Variants in SETD1B observed in about 807,000 individuals in gnomAD.
The protein encoded by SETD1B is histone-lysine N-methyltransferase SETD1B.
Under a neutral mutation model 148.0 loss-of-function variants are expected in SETD1B, and 7 were observed. The observed-to-expected ratio is 0.05, with a 90% CI of 0.03 to 0.09. The LOEUF (loss-of-function observed/expected upper bound fraction) is 0.09. SETD1B is among the 10% of genes least tolerant of loss of function. The pLI is 1.00. For missense variants in SETD1B, 2,155 were observed against 2,729.9 expected (o/e 0.79, Z 4.69); for synonymous variants, 1,361 against 1,186.5 (o/e 1.15, Z -3.02).
Position 121,822,667 on chromosome 12 carries a change from C to A in SETD1B, c.4088C>A (p.Thr1363Asn). The A allele has an allele frequency of 6.5e-7, 1 of 1,546,648 alleles. No homozygotes were observed. Among genetic ancestry groups the A allele is most frequent in the Non-Finnish European group, 8.7e-7 (1 of 1,143,308 alleles). The change falls in exon 12 of 17, where the codon ACT becomes AAT. Residue 1363 changes from threonine (T) to asparagine (N), a missense_variant. Physicochemically the swap from Thr to Asn is moderately conservative, Grantham distance 65 (BLOSUM62 0). Around this residue, in one of 11 missense-constraint regions of SETD1B, gnomAD observed 862 missense variants for 873.8 expected, o/e 0.99. Coordinates refer to ENST00000604567, the MANE Select transcript of SETD1B (RefSeq NM_001353345.2). ...CTTGCCGAGGACCACCCCCCGCATA[C>A]TCCAGGCCTCTGTGGCAGCCTGGCC... is the stretch of plus-strand genomic sequence containing the variant. ...EPLAEDHPPH[T>N]PGLCGSLAKS...
chr12:121,804,338 CGCCGCCAGGCCCT>C lies in SETD1B; in HGVS notation c.-15+114_-15+126del, dbSNP rs1566544921. 2 of 143,902 alleles carry C rather than the reference CGCCGCCAGGCCCT, an allele frequency of 1.4e-5. No individual in the cohort carries two copies. Among genetic ancestry groups the C allele is most frequent in the Non-Finnish European group, 3.1e-5 (2 of 64,902 alleles). The allele number at this position is 143,902 out of a possible 1,614,324, so 8.9% of individuals were successfully genotyped here. The stretch of plus-strand genomic sequence containing the variant: ...GGGCGAGCGGGCGGGCGGGCGGCGG[CGCCGCCAGGCCCT>C]GCCGCCAGCCTCGCGCCAGAGCCGG... On this transcript the variant is annotated intron_variant, in intron 1 of 16. Coordinates refer to ENST00000604567, the MANE Select transcript of SETD1B (RefSeq NM_001353345.2). This position sits in a 1 kb window ranked among gnomAD's most constrained non-coding sequence, Gnocchi z 4.6.
chr12:121,818,471 G>A lies in SETD1B; in HGVS notation c.3418+567G>A, dbSNP rs1394581309. On this transcript the variant is annotated intron_variant, in intron 10 of 16. Coordinates refer to ENST00000604567, the MANE Select transcript of SETD1B (RefSeq NM_001353345.2). ...CCAGCTACTTGGGAGGCTGAGGCAG[G>A]AGAATTGCTTGAATCCAGGAGGCAG... Among the ~76,000 whole-genome samples, 5 of 152,100 alleles carry A rather than the reference G, an allele frequency of 3.3e-5. No individual in the cohort carries two copies. The East Asian group carries it at 9.6e-4, about 29-fold the overall frequency.
chr12:121,808,522 T>C lies in SETD1B; in HGVS notation c.657+202T>C, dbSNP rs966815475. 6.6e-6 allele frequency among the ~76,000 whole-genome samples: 1 copy of C among 152,356 alleles called. No homozygotes were observed. The highest frequency in any genetic ancestry group is 2.4e-5 in the African/African-American group (1 of 41,580). ...GGGCCTAGAGCCCCATTTTCCCAAG[T>C]GCTCCTGCAGTAGGGCTCCATGGGA... On this transcript the variant is annotated intron_variant, in intron 5 of 16. Coordinates refer to ENST00000604567, the MANE Select transcript of SETD1B (RefSeq NM_001353345.2). The surrounding 1 kb of genome is among the most constrained non-coding windows in gnomAD (Gnocchi z 5.3).
chr12:121,823,353 C>G lies in SETD1B; in HGVS notation c.4774C>G (p.Pro1592Ala), dbSNP rs867559750. ...PPPPLPPQPP[P>A]PPPPPPVEPT... is the part of the protein sequence containing the mutation. ...ACCACCCCTTCCCCCCCAGCCACCCCCACCCCCACCTCCCCCACCTGTAGA... is the reference window on the plus strand; with the variant it reads ...ACCACCCCTTCCCCCCCAGCCACCCGCACCCCCACCTCCCCCACCTGTAGA... The change falls in exon 12 of 17, where the codon CCA (proline) becomes GCA (alanine). Residue 1592 changes from proline to alanine, a missense_variant. Physicochemically the swap from Pro to Ala is conservative, Grantham distance 27. Coordinates refer to ENST00000604567, the MANE Select transcript of SETD1B (RefSeq NM_001353345.2). 3 of 1,098,452 alleles carry G rather than the reference C, an allele frequency of 2.7e-6. No homozygotes were observed. The highest frequency in any genetic ancestry group is 2.1e-5 in the Admixed American group (1 of 47,450). The allele number at this position is 1,098,452 out of a possible 1,614,324, so 68.0% of individuals were successfully genotyped here. A position where few individuals can be genotyped will look rare whatever the true frequency, so the allele number is the denominator to read the frequency against.
At position 121,817,922 on chromosome 12, in the gene SETD1B, G is replaced by C. The variant is rs752518920; in HGVS notation, c.3418+18G>C. On this transcript the variant is annotated intron_variant, in intron 10 of 16. Transcript: ENST00000604567. The surrounding 1 kb of genome is among the most constrained non-coding windows in gnomAD (Gnocchi z 8.1). ...GGATGAAGGTGAGCAGGGAGGCCGT[G>C]GCTGCCTGGCCCTCCCGGAGTCCCT... The C allele has an allele frequency of 7.2e-6, 11 of 1,519,738 alleles. No individual in the cohort carries two copies. The Middle Eastern group carries it at 5.1e-4, about 71-fold the overall frequency. The allele number at this position is 1,519,738 out of a possible 1,614,324, so 94.1% of individuals were successfully genotyped here. A position where few individuals can be genotyped will look rare whatever the true frequency, so the allele number is the denominator to read the frequency against.
chr12:121,809,379 A>C (rs529940856), intron 5 of SETD1B, among the ~76,000 whole-genome samples: 1 of 152,272 alleles, frequency 6.6e-6, no homozygotes, highest in East Asian at 1.9e-4. Flanking sequence ...GGAATTAGGA[A>C]TGACCCTCAA....
At chr12:121,793,052 C>A in the SETD1B span, 14 of 1,058,892 alleles carry the variant, frequency 1.3e-5, no homozygotes, top group Non-Finnish European at 1.7e-5. Context: ...CAAGGCCCTG[C>A]CAAGGCTGCA....
chr12:121,796,357 G>A, the SETD1B span: 593 of 153,006 alleles, frequency 3.9e-3, 4 homozygotes, highest in African/African-American at 0.014. Flanking sequence ...TCAGCTCATC[G>A]GTGTCCACAC....
At chr12:121,795,394 G>T in the SETD1B span, 1 of 152,356 alleles carries the variant, frequency 6.6e-6, no homozygotes, top group South Asian at 2.1e-4. Flanking sequence ...CTGAGCGCTG[G>T]CTGGCACACT....
At position 121,817,119 on chromosome 12, in the gene SETD1B, G is replaced by A. The variant is rs1876328354; in HGVS notation, c.2802G>A (p.Glu934=). The change falls in exon 8 of 17, where the codon GAG becomes GAA. Residue 934 remains glutamate, a synonymous_variant. Coordinates refer to ENST00000604567, the MANE Select transcript of SETD1B (RefSeq NM_001353345.2). This position sits in a 1 kb window ranked among gnomAD's most constrained non-coding sequence, Gnocchi z 8.1. ...PKDRIASCLL[E]SWGKGEGLGY... The stretch of plus-strand genomic sequence containing the variant: ...ACCGCATCGCCTCGTGCCTGCTGGA[G>A]TCATGGGGCAAGGGCGAGGGCCTGG... 6.5e-7 allele frequency: 1 copy of A among 1,549,004 alleles called. No homozygotes were observed.
In SETD1B at chr12:121,832,572, A is replaced by G. The variant is rs1056515025; in HGVS notation, c.*2333A>G. ...TGTCTTGATGTAAATATTTGTTCAT[A>G]TTTTTGTGAATTCAATACTATGTAC... On this transcript the variant is annotated 3_prime_UTR_variant, in exon 17 of 17. Transcript: ENST00000604567. 1 of 191,936 alleles carries G rather than the reference A, an allele frequency of 5.2e-6. No homozygotes were observed. The highest frequency in any genetic ancestry group is 1.1e-5 in the Non-Finnish European group (1 of 91,658). The allele number at this position is 191,936 out of a possible 1,614,324, so 11.9% of individuals were successfully genotyped here.
At position 121,825,208 on chromosome 12, in the gene SETD1B, C is replaced by T; in HGVS notation, c.5179C>T (p.Leu1727Phe). The T allele has an allele frequency of 6.4e-7, 1 of 1,551,550 alleles. No individual in the cohort carries two copies. The highest frequency in any genetic ancestry group is 8.7e-7 in the Non-Finnish European group (1 of 1,146,984). ...CCTTGACCCACACCCACCCACCAGC[C>T]TCTCTTCAGCTAAGAAGAAGAAACG... is the stretch of plus-strand genomic sequence containing the variant. ...TLWVYHPSTS[L>F]SSAKKKKRDD... The change falls in exon 13 of 17, where the codon CTC (leucine) becomes TTC (phenylalanine). Residue 1727 changes from leucine (L) to phenylalanine (F), a missense_variant. Leu to Phe is a conservative substitution (Grantham distance 22). This residue lies in a region of SETD1B where 96 missense variants were observed against 148.7 expected (regional missense o/e 0.65). Coordinates refer to ENST00000604567, the MANE Select transcript of SETD1B (RefSeq NM_001353345.2).
chr12:121,806,645 G>T (rs573672283), intron 4 of SETD1B, among the ~76,000 whole-genome samples: 3 of 152,292 alleles, frequency 2.0e-5, no homozygotes, highest in East Asian at 1.9e-4. Context: ...TAAGGTTCTC[G>T]ACAGAGCCGC....
chr12:121,816,009 G>A (rs746801344), intron 7 of SETD1B, among the ~76,000 whole-genome samples: 2 of 151,518 alleles, frequency 1.3e-5, no homozygotes, highest in African/African-American at 2.4e-5. Context: ...TGTATTTTTA[G>A]TAGAGATGGG....
chr12:121,809,128 C>T (rs1285955960), intron 5 of SETD1B, among the ~76,000 whole-genome samples: 1 of 152,224 alleles, frequency 6.6e-6, no homozygotes, highest in Non-Finnish European at 1.5e-5. Flanking sequence ...CCTGCCTCGG[C>T]TTCCCAAAGT....
intron 13 of SETD1B, among the ~76,000 whole-genome samples, chr12:121,825,628 T>C (rs1437018524): frequency 3.9e-5 from 6 of 152,018 alleles, no homozygotes; most frequent in African/African-American, 1.4e-4. Context: ...AGTTCATTCA[T>C]TTTTTGTTTT....
At chr12:121,828,626 A>G (rs1876953833) in intron 16 of SETD1B, among the ~76,000 whole-genome samples, 1 of 152,240 alleles carries the variant, frequency 6.6e-6, no homozygotes, top group African/African-American at 2.4e-5. Flanking sequence ...AGGGACACTG[A>G]TAACAGGGAT....
At chr12:121,793,612 C>A in the SETD1B span, 1 of 1,548,576 alleles carries the variant, frequency 6.5e-7, no homozygotes, top group East Asian at 2.4e-5. Flanking sequence ...GCGGTCTGGG[C>A]CAGGGCCCCG....
chr12:121,807,267 A>G (rs1875789623), intron 4 of SETD1B, among the ~76,000 whole-genome samples: 2 of 151,954 alleles, frequency 1.3e-5, no homozygotes, highest in South Asian at 4.2e-4. Flanking sequence ...TCCAGTCCAC[A>G]GTCCCTCCCA....
Sources: gnomAD v4.1 joint callset for allele counts (sites outside exome capture counted in the v4.1 genomes callset) on GRCh38, gnomAD v4.1.1 for gene constraint, gnomAD v4.1.1 regional missense constraint, Gnocchi (gnomAD v3.1) non-coding constraint, MANE v1.5 for transcripts, NCBI Gene and HGNC (gene_info 2026-07-23, HGNC 2026-07-21) for gene names.